MYO18B: variants seen among roughly 807,000 people sequenced by gnomAD.
The protein encoded by MYO18B is myosin XVIIIB.
In MYO18B, 204 loss-of-function variants were observed where a neutral mutation model predicts 273.0. The observed-to-expected ratio is 0.75, with a 90% CI of 0.67 to 0.84. MYO18B has a LOEUF of 0.84. Ranked by LOEUF, MYO18B falls within the 40% of genes least tolerant of loss-of-function variation. The pLI is 0.00. For missense variants in MYO18B, 3,212 were observed against 3,287.6 expected (o/e 0.98, Z 0.56); for synonymous variants, 1,330 against 1,305.7 (o/e 1.02, Z -0.40).
intron 42 of MYO18B, among the ~76,000 whole-genome samples, chr22:26,007,870 A>G (rs1022290045): frequency 6.6e-6 from 1 of 152,212 alleles, no homozygotes; most frequent in Non-Finnish European, 1.5e-5. Context: ...AGAAGGCTGA[A>G]ATGCCCTTGG....
intron 39 of MYO18B, among the ~76,000 whole-genome samples, chr22:25,976,128 T>C (rs2093086473): frequency 6.6e-6 from 1 of 152,206 alleles, no homozygotes; most frequent in African/African-American, 2.4e-5. Context: ...TGCTGATATC[T>C]GGTGGGTAGA....
At chr22:25,818,841 T>C (rs796291488) in intron 12 of MYO18B, among the ~76,000 whole-genome samples, 5 of 152,218 alleles carry the variant, frequency 3.3e-5, no homozygotes, top group African/African-American at 1.2e-4. Context: ...CTCATCTCCT[T>C]CTTGCAACCC....
In MYO18B at chr22:25,895,205, C is replaced by T. The variant is rs1263569194; in HGVS notation, c.4593C>T (p.Phe1531=). The T allele has an allele frequency of 6.2e-7, 1 of 1,611,304 alleles. No individual in the cohort carries two copies. The highest frequency in any genetic ancestry group is 8.5e-7 in the Non-Finnish European group (1 of 1,178,874). Residue 1531 remains phenylalanine (F), a synonymous_variant, in exon 28 of 44, where the codon TTC becomes TTT. Coordinates refer to ENST00000335473, the MANE Select transcript of MYO18B (RefSeq NM_032608.7). Reference sequence around the variant, plus strand: ...ACTGTGCTCAGATGGAGAACGAGTTCCTCAGAAAGCGTCTGCAGCAATGCG... The same window carrying T: ...ACTGTGCTCAGATGGAGAACGAGTTTCTCAGAAAGCGTCTGCAGCAATGCG... ...RFDCAQMENE[F]LRKRLQQCEE...
Position 26,027,431 on chromosome 22 carries a change from C to T in MYO18B, c.7457C>T (p.Ser2486Leu), listed in dbSNP as rs202052336. Residue 2486 changes from serine (S) to leucine (L), a missense_variant, in exon 43 of 44, where the codon TCG (serine) becomes TTG (leucine). Coordinates refer to ENST00000335473, the MANE Select transcript of MYO18B (RefSeq NM_032608.7). This position sits in a 1 kb window ranked among gnomAD's most constrained non-coding sequence, Gnocchi z 4.1. Reference sequence around the variant, plus strand: ...GAAGAGGCTAACCGTTCCTTTCTCTCGGGGATCAAGACCATTTTGAAGAAG... The same window carrying T: ...GAAGAGGCTAACCGTTCCTTTCTCTTGGGGATCAAGACCATTTTGAAGAAG... The part of the protein sequence containing the change: ...ETEEANRSFL[S>L]GIKTILKKSP... The T allele has an allele frequency of 2.2e-5, 36 of 1,613,796 alleles. No homozygotes were observed. The East Asian group carries it at 2.9e-4, about 13-fold the overall frequency.
At chr22:25,948,552 C>CCTTCCTTCCTTCCTTCCTTCCTTCCT (rs2092754799) in intron 36 of MYO18B, among the ~76,000 whole-genome samples, 1 of 145,526 alleles carries the variant, frequency 6.9e-6, no homozygotes, top group Non-Finnish European at 1.5e-5. Context: ...TCCTTCCTTT[C>CCTTCCTTCCTTCCTTCCTTCCTTCCT]TCTTTCTCTT....
chr22:25,900,724 A>G (rs919700395), intron 29 of MYO18B: 1 of 152,520 alleles, frequency 6.6e-6, no homozygotes. Context: ...GCTGTTTGCT[A>G]GGAGCTGGTG....
rs2091850288 is a variant in MYO18B at position 25,898,091 on chromosome 22, G to A, written c.4669-216G>A. 1.7e-5 allele frequency: 9 copies of A among 532,198 alleles called. No homozygotes were observed. The South Asian group carries it at 2.3e-4, about 14-fold the overall frequency. 33.0% of individuals were successfully genotyped at this position (532,198 alleles called of 1,614,324 possible). A position where few individuals can be genotyped will look rare whatever the true frequency, so the allele number is the denominator to read the frequency against. On this transcript the variant is annotated intron_variant, in intron 28 of 43. Transcript: ENST00000335473. ...GTAAAATCAACCTTAAGAGATTGAT[G>A]GAATTATCCCCACTTTACCTCTGAG...
chr22:25,955,502 A>G, intron 39 of MYO18B, 138 bp downstream of exon 39: 1 of 905,258 alleles, frequency 1.1e-6, no homozygotes, highest in South Asian at 2.3e-5. Context: ...GCCAGGAGAA[A>G]CAAGAAGGGG....
chr22:25,881,393 C>T (rs1024562707), intron 25 of MYO18B, among the ~76,000 whole-genome samples: 3 of 152,242 alleles, frequency 2.0e-5, no homozygotes, highest in Non-Finnish European at 2.9e-5. Flanking sequence ...ATGACACACA[C>T]GTGCCTGATG....
At chr22:25,950,504 A>G in intron 37 of MYO18B, 54 bp downstream of exon 37, 1 of 773,848 alleles carries the variant, frequency 1.3e-6, no homozygotes, top group Non-Finnish European at 1.9e-6. Context: ...TCTTAGAGGG[A>G]CAGAACTAAT....
chr22:25,829,964 C>T (rs1316258769), intron 15 of MYO18B, among the ~76,000 whole-genome samples: 3 of 152,138 alleles, frequency 2.0e-5, no homozygotes, highest in African/African-American at 2.4e-5. Flanking sequence ...CTATCACCCA[C>T]GTGAAAATGA....
At chr22:25,979,566 A>G (rs1262456497) in intron 39 of MYO18B, among the ~76,000 whole-genome samples, 1 of 152,058 alleles carries the variant, frequency 6.6e-6, no homozygotes. Flanking sequence ...ATCAACTTTG[A>G]GAAGGTTGTT....
At chr22:26,003,359 GCT>G (rs746098024) in intron 41 of MYO18B, 50 bp downstream of exon 41, 29 of 1,533,668 alleles carry the variant, frequency 1.9e-5, no homozygotes, top group Admixed American at 1.1e-4. Context: ...TGAGCCCCTG[GCT>G]CTCTCTGTCC....
chr22:26,048,983 C>T, the MYO18B span, among the ~76,000 whole-genome samples: 959 of 152,144 alleles, frequency 6.3e-3, 7 homozygotes, highest in African/African-American at 0.021. Context: ...ACCTGGGTCA[C>T]GAAATAATCT....
chr22:25,770,613 G>C lies in MYO18B; in HGVS notation c.1580-259G>C, dbSNP rs117557387. On this transcript the variant is annotated intron_variant, in intron 5 of 43. Transcript: ENST00000335473. ...GTGAGATAGGCCAGTGTACCCAACT[G>C]TCTGGGTGCCTGCTCTGTGCCTGGC... Among the ~76,000 whole-genome samples, 166 of 152,276 alleles carry C rather than the reference G, an allele frequency of 1.1e-3. 4 individuals carry two copies. In the East Asian group the frequency reaches 0.027, roughly 24 times the overall value.
At chr22:25,873,890 C>T (rs892381724) in intron 22 of MYO18B, among the ~76,000 whole-genome samples, 8 of 152,174 alleles carry the variant, frequency 5.3e-5, no homozygotes, top group Non-Finnish European at 8.8e-5. Context: ...AGGTGGTGAC[C>T]GTGCACAGAA....
chr22:25,773,703 TC>T, intron 7 of MYO18B, among the ~76,000 whole-genome samples: 1 of 152,322 alleles, frequency 6.6e-6, no homozygotes, highest in Middle Eastern at 3.4e-3. Context: ...GAGCTCGTGA[TC>T]CGCCCGCCTC....
At chr22:25,948,455 C>CTTTCTTTCTTTCTTTCTTTCTTTCT (rs1569225255) in intron 36 of MYO18B, among the ~76,000 whole-genome samples, 1 of 80,070 alleles carries the variant, frequency 1.2e-5, no homozygotes, top group African/African-American at 5.1e-5. Context: ...TCCTTCCTTC[C>CTTTCTTTCTTTCTTTCTTTCTTTCT]TTCCTTCTTT....
chr22:25,807,879 G>A (rs536718277), intron 12 of MYO18B, among the ~76,000 whole-genome samples: 68 of 152,152 alleles, frequency 4.5e-4, no homozygotes, highest in Non-Finnish European at 8.2e-4. Flanking sequence ...TCAGAAAACT[G>A]AGGCTCAGTT....
Sources: allele counts gnomAD v4.1 joint callset (sites outside exome capture counted in the v4.1 genomes callset), GRCh38; gene constraint gnomAD v4.1.1; non-coding constraint Gnocchi (gnomAD v3.1); transcripts MANE v1.5; gene names NCBI Gene and HGNC (gene_info 2026-07-23, HGNC 2026-07-21).